The following PELP1 variants were observed in gnomAD, a reference collection of about 807,000 sequenced individuals.
PELP1 encodes proline, glutamate and leucine rich protein 1.
In PELP1, 32 loss-of-function variants were observed where a neutral mutation model predicts 95.5. The ratio of observed to expected loss-of-function variants is 0.34; its 90% confidence interval spans 0.25 to 0.45. The LOEUF is 0.45. PELP1 is among the 20% of genes least tolerant of loss of function. The probability of loss-of-function intolerance (pLI) is 1.00; values close to 1 mark genes in which losing one functional copy is unlikely to be tolerated. For missense variants in PELP1, 1,358 were observed against 1,444.8 expected (o/e 0.94, Z 0.97); for synonymous variants, 668 against 600.1 (o/e 1.11, Z -1.65).
intron 1 of PELP1, among the ~76,000 whole-genome samples, chr17:4,694,780 G>T (rs1326494018): frequency 6.6e-6 from 1 of 150,900 alleles, no homozygotes; most frequent in Non-Finnish European, 1.5e-5. Flanking sequence ...AGACCAGCCT[G>T]GCCAACATGG....
chr17:4,690,780 T>C, intron 3 of PELP1, 108 bp downstream of exon 3: 1 of 702,554 alleles, frequency 1.4e-6, no homozygotes, highest in South Asian at 1.8e-5. Flanking sequence ...TGTTTCCAAT[T>C]ATTCTGTCCC....
At chr17:4,681,125 G>A (rs1912668723) in intron 5 of PELP1, among the ~76,000 whole-genome samples, 1 of 152,162 alleles carries the variant, frequency 6.6e-6, no homozygotes, top group East Asian at 1.9e-4. Context: ...AAGTGTTAGG[G>A]CAATTGTCCT....
Sources: allele counts gnomAD v4.1 joint callset (sites outside exome capture counted in the v4.1 genomes callset), GRCh38; gene constraint gnomAD v4.1.1; transcripts MANE v1.5; gene names NCBI Gene and HGNC (gene_info 2026-07-23, HGNC 2026-07-21).